ZNF181: variants seen among roughly 807,000 people sequenced by gnomAD.
ZNF181 encodes the protein zinc finger protein 181, also known as zinc finger protein 181 (HHZ181).
ZNF181 carries 8 observed loss-of-function variants against 11.9 expected under a neutral mutation model. The ratio of observed to expected loss-of-function variants is 0.67; its 90% confidence interval spans 0.39 to 1.21. ZNF181 has a LOEUF of 1.21. ZNF181 is among the 50% of genes most tolerant of loss of function. The pLI is 0.01. For synonymous variants in ZNF181, 202 were observed against 221.1 expected (o/e 0.91, Z 0.77); for missense variants, 542 against 670.9 (o/e 0.81, Z 2.12).
chr19:34,736,265 A>C (rs1568481980), intron 1 of ZNF181: 11 of 678,142 alleles, frequency 1.6e-5, no homozygotes, highest in Non-Finnish European at 3.0e-5. Context: ...TTAGATAATT[A>C]GAATTGAAAA....
In ZNF181 at chr19:34,743,992, A is replaced by G. The variant is rs2069013393; in HGVS notation, c.*1895A>G. On this transcript the variant is annotated 3_prime_UTR_variant, in exon 4 of 4. Transcript: ENST00000492450. ...TGCAGATCAATTTGATTTGGAGTGT[A>G]TGGACACTGATGCAAGTGAAGGGGT... 6.6e-6 allele frequency: 1 copy of G among 152,208 alleles called. No individual in the cohort carries two copies. The highest frequency in any genetic ancestry group is 2.4e-5 in the African/African-American group (1 of 41,446). 9.4% of individuals were successfully genotyped at this position (152,208 alleles called of 1,614,324 possible).
rs935522002 is a variant in ZNF181, at chr19:34,734,328, G to C, written c.-710G>C. 6.6e-6 allele frequency: 1 copy of C among 152,394 alleles called. No homozygotes were observed. Among genetic ancestry groups the C allele is most frequent in the Admixed American group, 6.5e-5 (1 of 15,292 alleles). 9.4% of individuals were successfully genotyped at this position (152,394 alleles called of 1,614,324 possible). A position where few individuals can be genotyped will look rare whatever the true frequency, so the allele number is the denominator to read the frequency against. ...CCCCAGAGGTCGGCGGCCGTTGCCC[G>C]CTCACCAGCGACGCGGGGCGCCTGC... On this transcript the variant is annotated 5_prime_UTR_variant, in exon 1 of 4. Transcript: ENST00000492450.
At chr19:34,739,703 G>A in intron 3 of ZNF181, 82 bp downstream of exon 3, 1 of 1,433,428 alleles carries the variant, frequency 7.0e-7, no homozygotes, top group Non-Finnish European at 9.7e-7. Flanking sequence ...AGTGAGTGTG[G>A]AGGCATTTTA....
chr19:34,740,218 C>T (rs2068948843), intron 3 of ZNF181, among the ~76,000 whole-genome samples: 2 of 152,126 alleles, frequency 1.3e-5, no homozygotes, highest in African/African-American at 4.8e-5. Context: ...GTTAATCTGG[C>T]AGCAAATTGA....
Position 34,741,761 on chromosome 19 carries a change from C to G in ZNF181, c.1380C>G (p.Pro460=), listed in dbSNP as rs2068981323. Residue 460 remains proline, a synonymous_variant, in exon 4 of 4, where the codon CCC becomes CCG. Transcript: ENST00000492450. ...MHLRNHIRLK[P]YECSICGKAF... ...TGAGAAATCACATTAGATTGAAACC[C>G]TACGAATGCAGTATATGTGGGAAAG... 1.2e-6 allele frequency: 2 copies of G among 1,613,722 alleles called. No homozygotes were observed. Among genetic ancestry groups the G allele is most frequent in the Non-Finnish European group, 1.7e-6 (2 of 1,179,896 alleles).
At chr19:34,738,216 A>T (rs933662416) in intron 1 of ZNF181, among the ~76,000 whole-genome samples, 1 of 152,208 alleles carries the variant, frequency 6.6e-6, no homozygotes, top group African/African-American at 2.4e-5. Context: ...TTGACTTCTC[A>T]TGGTTTTGGA....
At chr19:34,735,783 T>C (rs1905917255) in intron 1 of ZNF181, among the ~76,000 whole-genome samples, 2 of 152,240 alleles carry the variant, frequency 1.3e-5, no homozygotes, top group Non-Finnish European at 2.9e-5. Context: ...TGTCACTAGT[T>C]GCTGTGCCAT....
intron 1 of ZNF181, chr19:34,736,014 AC>A: frequency 1.5e-6 from 1 of 666,562 alleles, no homozygotes; most frequent in Non-Finnish European, 2.7e-6. Flanking sequence ...CAGTATATGC[AC>A]ATGCTCATTG....
In ZNF181 at chr19:34,742,156, T is replaced by C; in HGVS notation, c.*59T>C. 1 of 1,480,298 alleles carries C rather than the reference T, an allele frequency of 6.8e-7. No individual in the cohort carries two copies. Among genetic ancestry groups the C allele is most frequent in the Non-Finnish European group, 9.0e-7 (1 of 1,108,280 alleles). The allele number at this position is 1,480,298 out of a possible 1,614,324, so 91.7% of individuals were successfully genotyped here. A position where few individuals can be genotyped will look rare whatever the true frequency, so the allele number is the denominator to read the frequency against. On this transcript the variant is annotated 3_prime_UTR_variant, in exon 4 of 4. Transcript: ENST00000492450. ...TCCCTTATTTAACATTAGAAAAATT[T>C]ATACTGGGGAAAGTCTTATGAATGT...
intron 1 of ZNF181, among the ~76,000 whole-genome samples, chr19:34,735,416 T>C (rs776389625): frequency 2.0e-5 from 3 of 152,246 alleles, no homozygotes; most frequent in Non-Finnish European, 4.4e-5. Flanking sequence ...TATACCTATA[T>C]TCAGATCCTC....
chr19:34,740,857 T>C lies in ZNF181; in HGVS notation c.476T>C (p.Ile159Thr), dbSNP rs749600039. 46 of 1,613,902 alleles carry C rather than the reference T, an allele frequency of 2.9e-5. No individual in the cohort carries two copies. The highest frequency in any genetic ancestry group is 3.6e-5 in the Non-Finnish European group (43 of 1,179,976). Residue 159 changes from isoleucine to threonine, a missense_variant, in exon 4 of 4, where the codon ATA (isoleucine) becomes ACA (threonine). Coordinates refer to ENST00000492450, the MANE Select transcript of ZNF181 (RefSeq NM_001029997.4). ...PTADSVYKYN[I>T]FRSTFHSKST... is the part of the protein sequence containing the mutation. ...GCAGACAGTGTTTACAAATACAATA[T>C]ATTTAGAAGCACCTTTCATTCAAAG...
chr19:34,740,801 A>G lies in ZNF181; in HGVS notation c.420A>G (p.Pro140=). Residue 140 remains proline (P), a synonymous_variant, in exon 4 of 4, where the codon CCA becomes CCG. Coordinates refer to ENST00000492450, the MANE Select transcript of ZNF181 (RefSeq NM_001029997.4). ...KHGSQVDHFR[P]AILTSRESPT... ...GAAGTCAGGTAGACCATTTCAGACC[A>G]GCAATTCTCACCTCTAGAGAAAGCC... 1 of 1,614,104 alleles carries G rather than the reference A, an allele frequency of 6.2e-7. No individual in the cohort carries two copies. Among genetic ancestry groups the G allele is most frequent in the Non-Finnish European group, 8.5e-7 (1 of 1,179,992 alleles).
Position 34,735,931 on chromosome 19 carries a change from A to G in ZNF181, c.9+885A>G, listed in dbSNP as rs780280203. On this transcript the variant is annotated intron_variant, in intron 1 of 3. Coordinates refer to ENST00000492450, the MANE Select transcript of ZNF181 (RefSeq NM_001029997.4). ...TCGCAGTCACCTTCCCTCGCCTAGCACTTCCACTCCTCCATCACTGCTTTG... is the reference window on the plus strand; with the variant it reads ...TCGCAGTCACCTTCCCTCGCCTAGCGCTTCCACTCCTCCATCACTGCTTTG... 1.1e-4 allele frequency: 54 copies of G among 473,098 alleles called. No homozygotes were observed. The Middle Eastern group carries it at 2.7e-3, about 23-fold the overall frequency. 29.3% of individuals were successfully genotyped at this position (473,098 alleles called of 1,614,324 possible). A position where few individuals can be genotyped will look rare whatever the true frequency, so the allele number is the denominator to read the frequency against.
intron 1 of ZNF181, among the ~76,000 whole-genome samples, chr19:34,738,472 C>T (rs1287451571): frequency 1.3e-5 from 2 of 152,144 alleles, no homozygotes; most frequent in African/African-American, 2.4e-5. Flanking sequence ...GTTCAATACA[C>T]GCGTTTTGGG....
In ZNF181 at chr19:34,744,008, G is replaced by A. The variant is rs2069013498; in HGVS notation, c.*1911G>A. ...TTGGAGTGTATGGACACTGATGCAA[G>A]TGAAGGGGTGTGATATGGATTATGC... On this transcript the variant is annotated 3_prime_UTR_variant, in exon 4 of 4. Coordinates refer to ENST00000492450, the MANE Select transcript of ZNF181 (RefSeq NM_001029997.4). The A allele has an allele frequency of 1.3e-5, 2 of 152,244 alleles. No individual in the cohort carries two copies. The highest frequency in any genetic ancestry group is 2.9e-5 in the Non-Finnish European group (2 of 68,042). 9.4% of individuals were successfully genotyped at this position (152,244 alleles called of 1,614,324 possible).
In ZNF181 at chr19:34,741,034, C is replaced by A. The variant is rs368787292; in HGVS notation, c.653C>A (p.Ala218Asp). ...TTGAATTCTAATAAAAGTGGGGCAG[C>A]CTTCAGCCAGGGCAAATCTCTTACC... The part of the protein sequence containing the change: ...KLLNSNKSGA[A>D]FSQGKSLTLP... The change falls in exon 4 of 4, where the codon GCC (alanine) becomes GAC (aspartate). Residue 218 changes from alanine to aspartate, a missense_variant. Transcript: ENST00000492450. 3.1e-6 allele frequency: 5 copies of A among 1,614,108 alleles called. No individual in the cohort carries two copies. Among genetic ancestry groups the A allele is most frequent in the Non-Finnish European group, 4.2e-6 (5 of 1,179,958 alleles).
intron 1 of ZNF181, among the ~76,000 whole-genome samples, chr19:34,738,515 T>C (rs1473751300): frequency 1.3e-5 from 2 of 152,142 alleles, no homozygotes; most frequent in African/African-American, 4.8e-5. Flanking sequence ...TGTATGTCTA[T>C]TAGTCTTTAA....
At position 34,741,093 on chromosome 19, in the gene ZNF181, A is replaced by G. The variant is rs1395461896; in HGVS notation, c.712A>G (p.Thr238Ala). 6.2e-7 allele frequency: 1 copy of G among 1,614,062 alleles called. No individual in the cohort carries two copies. Among genetic ancestry groups the G allele is most frequent in the African/African-American group, 1.3e-5 (1 of 74,950 alleles). The change falls in exon 4 of 4, where the codon ACA becomes GCA. Residue 238 changes from threonine (T) to alanine (A), a missense_variant. Thr to Ala is a moderately conservative substitution (Grantham distance 58). Transcript: ENST00000492450. ...GACTTGTAATAGAGAGAAAATCTAT[A>G]CATGCAGTGAATGTGGGAAAGCCTT... The part of the protein sequence containing the change: ...PQTCNREKIY[T>A]CSECGKAFGK...
intron 1 of ZNF181, among the ~76,000 whole-genome samples, chr19:34,738,456 G>A (rs2068918180): frequency 1.3e-5 from 2 of 152,052 alleles, no homozygotes; most frequent in South Asian, 2.1e-4. Context: ...TTACAGCGGC[G>A]ATTAAGTTCA....
Sources: allele counts gnomAD v4.1 joint callset (sites outside exome capture counted in the v4.1 genomes callset), GRCh38; gene constraint gnomAD v4.1.1; transcripts MANE v1.5; gene names NCBI Gene and HGNC (gene_info 2026-07-23, HGNC 2026-07-21).